The following NPAS3 variants were observed in gnomAD, a reference collection of about 807,000 sequenced individuals.
NPAS3 encodes the protein neuronal PAS domain protein 3.
A neutral mutation model predicts 73.1 loss-of-function variants in NPAS3; 14 were observed. That is an observed-to-expected ratio of 0.19 (90% CI 0.13 to 0.30). The LOEUF (loss-of-function observed/expected upper bound fraction) is 0.30, where lower values mean the gene tolerates loss of function less well. Ranked by LOEUF, NPAS3 falls within the 10% of genes least tolerant of loss-of-function variation. The probability of loss-of-function intolerance (pLI) is 1.00; values close to 1 mark genes in which losing one functional copy is unlikely to be tolerated. For missense variants in NPAS3, 1,096 were observed against 1,250.0 expected (o/e 0.88, Z 1.86); for synonymous variants, 620 against 541.5 (o/e 1.14, Z -2.01).
At chr14:33,280,814 G>A (rs1171288390) in intron 3 of NPAS3, among the ~76,000 whole-genome samples, 1 of 152,126 alleles carries the variant, frequency 6.6e-6, no homozygotes. Context: ...TGGGTGGTTG[G>A]GGGTGAGTCA....
intron 2 of NPAS3, among the ~76,000 whole-genome samples, chr14:33,198,811 C>G (rs1042569657): frequency 6.6e-6 from 1 of 152,172 alleles, no homozygotes; most frequent in East Asian, 1.9e-4. Flanking sequence ...CAGGAAGGCT[C>G]GGGCCACGCT....
At chr14:33,614,138 T>C (rs903059257) in intron 5 of NPAS3, among the ~76,000 whole-genome samples, 2 of 152,116 alleles carry the variant, frequency 1.3e-5, no homozygotes, top group Non-Finnish European at 2.9e-5. Flanking sequence ...GGGTAAAAAA[T>C]ATTTTACAGT....
intron 3 of NPAS3, among the ~76,000 whole-genome samples, chr14:33,366,215 G>A (rs1003065260): frequency 6.6e-6 from 1 of 151,774 alleles, no homozygotes; most frequent in Non-Finnish European, 1.5e-5. Context: ...GTGATTCTGG[G>A]GGCTTCTTGA....
At chr14:33,024,461 C>T (rs1393418618) in intron 1 of NPAS3, among the ~76,000 whole-genome samples, 2 of 152,016 alleles carry the variant, frequency 1.3e-5, no homozygotes, top group Non-Finnish European at 2.9e-5. Context: ...TGAGCCACCG[C>T]GCCTGGCCTC....
At position 33,746,031 on chromosome 14, in the gene NPAS3, G is replaced by T. The variant is rs117216176; in HGVS notation, c.852+10699G>T. Among the ~76,000 whole-genome samples the T allele has an allele frequency of 9.9e-3, 1,513 of 152,228 alleles. 53 individuals are homozygous for T. Among genetic ancestry groups the T allele is most frequent in the East Asian group, 0.069 (357 of 5,178 alleles). ...CCTATATAGCCCGTAAGTCTCCATT[G>T]TTTGATTAGAGCATCTATATCCCAG... On this transcript the variant is annotated intron_variant, in intron 7 of 11. Coordinates refer to ENST00000356141, the Ensembl canonical transcript of NPAS3.
intron 4 of NPAS3, among the ~76,000 whole-genome samples, chr14:33,453,959 G>T (rs748421118): frequency 6.6e-6 from 1 of 152,152 alleles, no homozygotes; most frequent in Non-Finnish European, 1.5e-5. Flanking sequence ...CAAAGTGCTG[G>T]GAACACAGGC....
At chr14:33,100,016 T>C (rs945161257) in intron 2 of NPAS3, among the ~76,000 whole-genome samples, 2 of 152,226 alleles carry the variant, frequency 1.3e-5, no homozygotes, top group Admixed American at 1.3e-4. Context: ...GGTTTATGAG[T>C]AATTTGCTAA....
chr14:33,030,275 A>C lies in NPAS3; in HGVS notation c.51-25630A>C, dbSNP rs539440658. On this transcript the variant is annotated intron_variant, in intron 1 of 11. Transcript: ENST00000356141. ...TATGTAATGGCAGGAGTTCAAACTCAGTGATTGCCGAAATGGTAAATTTAA... is the reference window on the plus strand; with the variant it reads ...TATGTAATGGCAGGAGTTCAAACTCCGTGATTGCCGAAATGGTAAATTTAA... Among the ~76,000 whole-genome samples, 8 of 152,282 alleles carry C rather than the reference A, an allele frequency of 5.3e-5. No homozygotes were observed. In the South Asian group the frequency reaches 1.7e-3, roughly 32 times the overall value.
intron 1 of NPAS3, among the ~76,000 whole-genome samples, chr14:32,948,806 G>A (rs951375246): frequency 3.3e-5 from 5 of 151,894 alleles, no homozygotes; most frequent in Admixed American, 6.6e-5. Flanking sequence ...TATCGATTGC[G>A]GTAGATTAAT....
chr14:33,342,507 A>T (rs957457362), intron 3 of NPAS3, among the ~76,000 whole-genome samples: 3 of 152,238 alleles, frequency 2.0e-5, no homozygotes, highest in African/African-American at 7.2e-5. Flanking sequence ...GCCTTTCCAC[A>T]TGGCAACCTG....
chr14:33,232,448 C>A (rs1226895922), intron 3 of NPAS3, among the ~76,000 whole-genome samples: 2 of 152,188 alleles, frequency 1.3e-5, no homozygotes, highest in African/African-American at 4.8e-5. Context: ...ATTTGACATT[C>A]TACTGTGGAA....
At chr14:33,196,172 T>C (rs1031212551) in intron 2 of NPAS3, among the ~76,000 whole-genome samples, 1 of 152,228 alleles carries the variant, frequency 6.6e-6, no homozygotes, top group African/African-American at 2.4e-5. Flanking sequence ...CTCATATTTT[T>C]CCTTACATTG....
chr14:33,591,691 C>T (rs1350755703), intron 5 of NPAS3, among the ~76,000 whole-genome samples: 2 of 152,120 alleles, frequency 1.3e-5, no homozygotes, highest in African/African-American at 2.4e-5. Flanking sequence ...TTAGGTATGT[C>T]CCCCCAAATT....
At chr14:33,517,511 CA>C (rs1430812455) in intron 4 of NPAS3, among the ~76,000 whole-genome samples, 1 of 151,996 alleles carries the variant, frequency 6.6e-6, no homozygotes, top group African/African-American at 2.4e-5. Flanking sequence ...AGGAGTTTCT[CA>C]TGGGTGTATT....
chr14:33,643,231 T>C (rs1219949575), intron 5 of NPAS3, among the ~76,000 whole-genome samples: 1 of 152,140 alleles, frequency 6.6e-6, no homozygotes, highest in Non-Finnish European at 1.5e-5. Flanking sequence ...TTATCTGCTA[T>C]AAAGTTGCAC....
At chr14:33,022,402 C>T (rs552341713) in intron 1 of NPAS3, among the ~76,000 whole-genome samples, 20 of 152,236 alleles carry the variant, frequency 1.3e-4, no homozygotes, top group Admixed American at 1.0e-3. Context: ...CGGTGGCTCA[C>T]GCCTGTAATC....
intron 2 of NPAS3, among the ~76,000 whole-genome samples, chr14:33,163,799 C>T (rs552559007): frequency 9.7e-4 from 147 of 152,172 alleles, no homozygotes; most frequent in African/African-American, 3.2e-3. Context: ...AGATTTTATT[C>T]CAGGCCGAAT....
chr14:33,322,264 A>T (rs1263574986), intron 3 of NPAS3, among the ~76,000 whole-genome samples: 2 of 152,148 alleles, frequency 1.3e-5, no homozygotes. Context: ...AATGTTTCTG[A>T]TTCCCATTGC....
intron 5 of NPAS3, among the ~76,000 whole-genome samples, chr14:33,562,395 A>T (rs536008320): frequency 6.6e-6 from 1 of 152,270 alleles, no homozygotes; most frequent in Admixed American, 6.5e-5. Context: ...ACCCTGGCCA[A>T]AATGTGCCAT....
Sources: allele counts gnomAD v4.1 joint callset (sites outside exome capture counted in the v4.1 genomes callset), GRCh38; gene constraint gnomAD v4.1.1; transcripts MANE v1.5; gene names NCBI Gene and HGNC (gene_info 2026-07-23, HGNC 2026-07-21).